CNTNAP2: variants seen among roughly 807,000 people sequenced by gnomAD.
CNTNAP2 encodes contactin associated protein 2.
In CNTNAP2, 98 loss-of-function variants were observed where a neutral mutation model predicts 155.2. That is an observed-to-expected ratio of 0.63 (90% CI 0.54 to 0.75). The LOEUF (loss-of-function observed/expected upper bound fraction) is 0.75. CNTNAP2 is among the 30% of genes least tolerant of loss of function. The probability of loss-of-function intolerance (pLI) is 0.00; values close to 1 mark genes in which losing one functional copy is unlikely to be tolerated. For synonymous variants in CNTNAP2, 651 were observed against 631.2 expected (o/e 1.03, Z -0.47); for missense variants, 1,727 against 1,688.1 (o/e 1.02, Z -0.40).
intron 1 of CNTNAP2, among the ~76,000 whole-genome samples, chr7:146,515,909 C>T (rs1355108867): frequency 6.6e-6 from 1 of 151,958 alleles, no homozygotes; most frequent in Non-Finnish European, 1.5e-5. Context: ...TTATAGATTC[C>T]TATCTCAATA....
At chr7:147,287,692 G>A (rs545207539) in intron 8 of CNTNAP2, among the ~76,000 whole-genome samples, 11 of 151,954 alleles carry the variant, frequency 7.2e-5, no homozygotes, top group African/African-American at 2.7e-4. Context: ...CTGCCTACCT[G>A]ATATCTCTAC....
intron 2 of CNTNAP2, among the ~76,000 whole-genome samples, chr7:146,821,155 C>T (rs1219436938): frequency 4.6e-5 from 7 of 151,980 alleles, no homozygotes; most frequent in African/African-American, 1.7e-4. Flanking sequence ...GAGCATTTAC[C>T]CCATTTACAT....
intron 8 of CNTNAP2, among the ~76,000 whole-genome samples, chr7:147,279,032 AATGAAG>A (rs1762140409): frequency 6.6e-6 from 1 of 151,482 alleles, no homozygotes; most frequent in Non-Finnish European, 1.5e-5. Context: ...AAATCATTAT[AATGAAG>A]ATGATTAAAT....
rs139003235 is a variant in CNTNAP2, at chr7:147,815,991, G to A, written c.2099-87574G>A. Reference sequence around the variant, plus strand: ...GTTTACATATTCTCAGACTCTGGCTGCTGTGTTAATAAGTGGTGTTGAGAC... The same window carrying A: ...GTTTACATATTCTCAGACTCTGGCTACTGTGTTAATAAGTGGTGTTGAGAC... On this transcript the variant is annotated intron_variant, in intron 13 of 23. Transcript: ENST00000361727. Among the ~76,000 whole-genome samples, 14 of 152,310 alleles carry A rather than the reference G, an allele frequency of 9.2e-5. No homozygotes were observed. In the East Asian group the frequency reaches 2.7e-3, roughly 29 times the overall value.
intron 1 of CNTNAP2, among the ~76,000 whole-genome samples, chr7:146,514,632 G>T (rs1042348251): frequency 2.7e-5 from 4 of 149,746 alleles, no homozygotes; most frequent in African/African-American, 9.8e-5. Context: ...TTGCTTTTCT[G>T]TGTTTTCTGG....
At chr7:146,894,180 A>G (rs1338893275) in intron 3 of CNTNAP2, among the ~76,000 whole-genome samples, 2 of 152,146 alleles carry the variant, frequency 1.3e-5, no homozygotes, top group African/African-American at 4.8e-5. Context: ...TATACTGTTT[A>G]CTGGAAAGGG....
At chr7:147,740,518 ACT>A (rs1491165900) in intron 13 of CNTNAP2, among the ~76,000 whole-genome samples, 1 of 152,006 alleles carries the variant, frequency 6.6e-6, no homozygotes, top group Middle Eastern at 3.2e-3. Flanking sequence ...CAAAGACTGG[ACT>A]CTCTGAGCTT....
intron 16 of CNTNAP2, among the ~76,000 whole-genome samples, chr7:148,126,011 A>G (rs570321182): frequency 1.3e-5 from 2 of 152,250 alleles, no homozygotes; most frequent in East Asian, 1.9e-4. Flanking sequence ...CCAGCCTATA[A>G]AATAATATTT....
chr7:147,222,355 A>G (rs192468705), intron 8 of CNTNAP2, among the ~76,000 whole-genome samples: 1 of 151,864 alleles, frequency 6.6e-6, no homozygotes, highest in East Asian at 1.9e-4. Context: ...CCTGGACCAT[A>G]TTCAGTATAC....
chr7:146,592,752 T>G (rs1185249187), intron 1 of CNTNAP2, among the ~76,000 whole-genome samples: 1 of 152,040 alleles, frequency 6.6e-6, no homozygotes, highest in Admixed American at 6.6e-5. Flanking sequence ...TTAACTTCAA[T>G]AAGGATGGTC....
chr7:147,758,269 A>C (rs546900187), intron 13 of CNTNAP2, among the ~76,000 whole-genome samples: 56 of 152,324 alleles, frequency 3.7e-4, no homozygotes, highest in Admixed American at 6.5e-4. Context: ...GACACCTGTT[A>C]ACTGTTTTAC....
At chr7:146,901,833 C>T (rs1186673402) in intron 3 of CNTNAP2, among the ~76,000 whole-genome samples, 7 of 138,488 alleles carry the variant, frequency 5.1e-5, no homozygotes, top group Admixed American at 3.6e-4. Context: ...ATTTGTTGCT[C>T]TTTGAGCCCT....
chr7:146,577,537 GT>G (rs1397888434), intron 1 of CNTNAP2, among the ~76,000 whole-genome samples: 3 of 151,590 alleles, frequency 2.0e-5, no homozygotes, highest in Non-Finnish European at 2.9e-5. Flanking sequence ...AATTTTTTTT[GT>G]TTCGTGATTA....
intron 1 of CNTNAP2, among the ~76,000 whole-genome samples, chr7:146,654,733 C>A (rs1016747928): frequency 2.6e-5 from 4 of 152,062 alleles, no homozygotes; most frequent in Non-Finnish European, 5.9e-5. Flanking sequence ...GAAATAATGT[C>A]TTTGGCTTGT....
At chr7:146,231,042 A>AT (rs76111973) in intron 1 of CNTNAP2, among the ~76,000 whole-genome samples, 9 of 150,384 alleles carry the variant, frequency 6.0e-5, no homozygotes, top group African/African-American at 2.2e-4. Flanking sequence ...AAATAAATAA[A>AT]AAGTTAATAT....
chr7:146,807,665 C>T (rs1336777814), intron 2 of CNTNAP2, among the ~76,000 whole-genome samples: 1 of 151,974 alleles, frequency 6.6e-6, no homozygotes, highest in African/African-American at 2.4e-5. Context: ...TCCTCCAGGT[C>T]TCTTCCCATG....
At chr7:147,632,922 T>C (rs1290587602) in intron 12 of CNTNAP2, among the ~76,000 whole-genome samples, 2 of 152,206 alleles carry the variant, frequency 1.3e-5, no homozygotes, top group Non-Finnish European at 1.5e-5. Context: ...GCAAAGAGAC[T>C]GGTGGCATTT....
intron 3 of CNTNAP2, among the ~76,000 whole-genome samples, chr7:147,042,377 T>C (rs899805944): frequency 1.3e-5 from 2 of 152,192 alleles, no homozygotes; most frequent in Admixed American, 1.3e-4. Context: ...AGGAAATCTT[T>C]CAGTATACTT....
intron 1 of CNTNAP2, among the ~76,000 whole-genome samples, chr7:146,665,596 A>G (rs1184849452): frequency 6.6e-6 from 1 of 151,630 alleles, no homozygotes; most frequent in African/African-American, 2.4e-5. Context: ...AGTCTGGCCA[A>G]CATGGTGAAA....
Sources: allele counts gnomAD v4.1 joint callset (sites outside exome capture counted in the v4.1 genomes callset), GRCh38; gene constraint gnomAD v4.1.1; transcripts MANE v1.5; gene names NCBI Gene and HGNC (gene_info 2026-07-23, HGNC 2026-07-21).